The following LRRFIP2 variants were observed in gnomAD, a reference collection of about 807,000 sequenced individuals.
The protein encoded by LRRFIP2 is LRR binding FLII interacting protein 2.
Under a neutral mutation model 125.9 loss-of-function variants are expected in LRRFIP2, and 109 were observed. The ratio of observed to expected loss-of-function variants is 0.87; its 90% CI spans 0.74 to 1.01. The LOEUF is 1.01. Among genes scored for constraint, LRRFIP2 ranks in the 50% least tolerant of loss-of-function variants. The pLI is 0.00. For missense variants in LRRFIP2, 850 were observed against 862.3 expected (o/e 0.99, Z 0.18); for synonymous variants, 291 against 293.1 (o/e 0.99, Z 0.07).
At chr3:37,056,239 G>C (rs1472406913) in intron 25 of LRRFIP2, among the ~76,000 whole-genome samples, 1 of 152,130 alleles carries the variant, frequency 6.6e-6, no homozygotes, top group Non-Finnish European at 1.5e-5. Context: ...AAAATGAAAA[G>C]TTTAGAAATG....
At chr3:37,165,801 G>GAAAGAAA (rs796717902) in intron 1 of LRRFIP2, among the ~76,000 whole-genome samples, 1 of 69,366 alleles carries the variant, frequency 1.4e-5, no homozygotes, top group East Asian at 4.7e-4. Flanking sequence ...GAAAGAGAAA[G>GAAAGAAA]AAAGAAAGAA....
chr3:37,084,721 T>TAA (rs1276363510), intron 18 of LRRFIP2, among the ~76,000 whole-genome samples: 1 of 144,936 alleles, frequency 6.9e-6, no homozygotes, highest in East Asian at 2.0e-4. Flanking sequence ...AGTTTTGAAG[T>TAA]AAAAAAAAAA....
chr3:37,169,493 A>G (rs546327203), intron 1 of LRRFIP2, among the ~76,000 whole-genome samples: 2 of 152,276 alleles, frequency 1.3e-5, no homozygotes, highest in East Asian at 3.9e-4. Flanking sequence ...TGGGATACTC[A>G]CTTTTTAAAA....
intron 19 of LRRFIP2, among the ~76,000 whole-genome samples, chr3:37,077,781 G>A (rs2092247674): frequency 6.6e-6 from 1 of 152,100 alleles, no homozygotes; most frequent in South Asian, 2.1e-4. Context: ...GAATGCATAA[G>A]CAAAATGTGG....
chr3:37,086,648 A>G (rs192659792), intron 18 of LRRFIP2, among the ~76,000 whole-genome samples: 2 of 152,314 alleles, frequency 1.3e-5, no homozygotes, highest in East Asian at 3.9e-4. Flanking sequence ...CCATTTGTAT[A>G]AAATCTCCAG....
chr3:37,067,630 A>G (rs1042729014), intron 21 of LRRFIP2: 1 of 152,268 alleles, frequency 6.6e-6, no homozygotes, highest in African/African-American at 2.4e-5. Context: ...ATAGGGAGCA[A>G]GTAAATAAGG....
chr3:37,139,713 T>C (rs2095644730), intron 2 of LRRFIP2, among the ~76,000 whole-genome samples: 1 of 152,168 alleles, frequency 6.6e-6, no homozygotes, highest in African/African-American at 2.4e-5. Flanking sequence ...GTCCCAACTA[T>C]CTGATCTCTC....
chr3:37,094,827 A>G lies in LRRFIP2; in HGVS notation c.1000T>C (p.Leu334=), dbSNP rs750054619. ...CTTAATGAAGTGTCTGGATCTATTA[A>G]GCTGCTGGTGTCCCCACTTCCTCGT... ...SRRGSGDTSS[L]IDPDTSLSEL... Residue 334 remains leucine (L), a synonymous_variant, in exon 17 of 28, where the codon TTA becomes CTA. Coordinates refer to ENST00000336686, the MANE Select transcript of LRRFIP2 (RefSeq NM_006309.4). 1.9e-6 allele frequency: 3 copies of G among 1,613,906 alleles called. No individual in the cohort carries two copies.
chr3:37,133,711 G>A (rs1259683397), intron 2 of LRRFIP2, among the ~76,000 whole-genome samples: 1 of 152,172 alleles, frequency 6.6e-6, no homozygotes, highest in East Asian at 1.9e-4. Context: ...GAGTTCTTAA[G>A]GATAGTGGTG....
At chr3:37,114,928 T>C in intron 7 of LRRFIP2, 126 bp downstream of exon 7, 2 of 698,590 alleles carry the variant, frequency 2.9e-6, no homozygotes, top group African/African-American at 3.6e-5. Context: ...TTTTGCTTTG[T>C]TAGTCACACA....
chr3:37,159,695 T>C (rs894919749), intron 1 of LRRFIP2, among the ~76,000 whole-genome samples: 9 of 151,900 alleles, frequency 5.9e-5, no homozygotes, highest in African/African-American at 2.2e-4. Flanking sequence ...TTAATAGAGA[T>C]GGGGTTTCAC....
chr3:37,159,989 CAAAAAAAAAAAAAA>C (rs58005486), intron 1 of LRRFIP2, among the ~76,000 whole-genome samples: 6 of 46,940 alleles, frequency 1.3e-4, no homozygotes, highest in Non-Finnish European at 2.2e-4. Context: ...GCCCTATGCG[CAAAAAAAAAAAAAA>C]AAAAAAAAAA....
intron 4 of LRRFIP2, among the ~76,000 whole-genome samples, chr3:37,122,599 A>C (rs1239190630): frequency 6.6e-6 from 1 of 152,194 alleles, no homozygotes; most frequent in East Asian, 1.9e-4. Flanking sequence ...ATAATTTTGC[A>C]CTTACTGTAA....
chr3:37,136,678 A>G (rs2149800654), intron 2 of LRRFIP2, among the ~76,000 whole-genome samples: 1 of 152,278 alleles, frequency 6.6e-6, no homozygotes, highest in South Asian at 2.1e-4. Flanking sequence ...TAGAATATAT[A>G]GTATTTCTCA....
chr3:37,076,656 C>T (rs941674634), intron 19 of LRRFIP2, among the ~76,000 whole-genome samples: 10 of 152,104 alleles, frequency 6.6e-5, no homozygotes, highest in African/African-American at 2.2e-4. Context: ...CACCTGAGGT[C>T]GGGAGTTCGA....
chr3:37,159,016 A>G (rs2096269509), intron 1 of LRRFIP2, among the ~76,000 whole-genome samples: 1 of 152,158 alleles, frequency 6.6e-6, no homozygotes. Flanking sequence ...CAATTTATCC[A>G]TTTTTTTCTT....
intron 24 of LRRFIP2, among the ~76,000 whole-genome samples, chr3:37,061,759 C>T (rs2088815443): frequency 6.6e-6 from 1 of 152,154 alleles, no homozygotes; most frequent in Non-Finnish European, 1.5e-5. Flanking sequence ...GACTAACCCA[C>T]CTCCCTTCCA....
intron 15 of LRRFIP2, among the ~76,000 whole-genome samples, chr3:37,097,222 A>G (rs917862564): frequency 5.3e-5 from 8 of 151,132 alleles, no homozygotes; most frequent in African/African-American, 1.9e-4. Flanking sequence ...ATCAAACAGC[A>G]CAAAAGAGTA....
intron 1 of LRRFIP2, among the ~76,000 whole-genome samples, chr3:37,160,736 G>A (rs1203045571): frequency 2.7e-5 from 4 of 150,210 alleles, no homozygotes; most frequent in East Asian, 2.0e-4. Flanking sequence ...CCGAGATCAC[G>A]CCATTGCACT....
Sources: allele counts gnomAD v4.1 joint callset (sites outside exome capture counted in the v4.1 genomes callset), GRCh38; gene constraint gnomAD v4.1.1; transcripts MANE v1.5; gene names NCBI Gene and HGNC (gene_info 2026-07-23, HGNC 2026-07-21).